MYO1D: variants seen among roughly 807,000 people sequenced by gnomAD.
The protein encoded by MYO1D is unconventional myosin-Id.
Under a neutral mutation model 122.0 loss-of-function variants are expected in MYO1D, and 83 were observed. That is an observed-to-expected ratio of 0.68 (90% CI 0.57 to 0.82). MYO1D has a LOEUF of 0.82. Ranked by LOEUF, MYO1D falls within the 40% of genes least tolerant of loss-of-function variation. MYO1D has a pLI of 0.00. For synonymous variants in MYO1D, 464 were observed against 446.9 expected, an observed-to-expected ratio of 1.04 and a Z score of -0.48; for missense variants, 1,157 against 1,269.5, an observed-to-expected ratio of 0.91 and a Z score of 1.35.
chr17:32,498,905 G>A (rs1909217403), intron 21 of MYO1D: 1 of 152,190 alleles, frequency 6.6e-6, no homozygotes, highest in Non-Finnish European at 1.5e-5. Context: ...CTGATTCTGT[G>A]TTTAAATCCT....
intron 17 of MYO1D, among the ~76,000 whole-genome samples, chr17:32,657,059 G>A (rs2088486823): frequency 6.6e-6 from 1 of 152,146 alleles, no homozygotes; most frequent in African/African-American, 2.4e-5. Flanking sequence ...CAAGCAAACT[G>A]CTGTCTATAA....
chr17:32,698,569 A>G (rs1166101849), intron 16 of MYO1D, among the ~76,000 whole-genome samples: 2 of 152,110 alleles, frequency 1.3e-5, no homozygotes, highest in Non-Finnish European at 2.9e-5. Context: ...CAAATAAAAC[A>G]TTAGGCAAAT....
rs750527575 is a variant in MYO1D at position 32,760,462 on chromosome 17, AAGTATC to A, written c.1181+14_1181+19del. 1 of 1,609,220 alleles carries A rather than the reference AAGTATC, an allele frequency of 6.2e-7. No individual in the cohort carries two copies. The highest frequency in any genetic ancestry group is 1.7e-5 in the Admixed American group (1 of 59,644). On this transcript the variant is annotated intron_variant, in intron 9 of 21. Transcript: ENST00000318217. ...AATAGAAAACAGGCAACAAGGTTTT[AAGTATC>A]TTTTCCAGTTTACCTGTTGTTGTCA...
intron 1 of MYO1D, among the ~76,000 whole-genome samples, chr17:32,807,795 G>A (rs1171862653): frequency 6.6e-6 from 1 of 151,250 alleles, no homozygotes; most frequent in East Asian, 1.9e-4. Context: ...ATGTGACTGA[G>A]AAATAAGCCT....
At chr17:32,511,866 A>C (rs938709918) in intron 21 of MYO1D, among the ~76,000 whole-genome samples, 5 of 152,190 alleles carry the variant, frequency 3.3e-5, no homozygotes, top group African/African-American at 9.6e-5. Flanking sequence ...ACCATTATCA[A>C]GAAGCATTTA....
At chr17:32,830,831 G>C (rs994700239) in intron 1 of MYO1D, among the ~76,000 whole-genome samples, 1 of 152,146 alleles carries the variant, frequency 6.6e-6, no homozygotes, top group Non-Finnish European at 1.5e-5. Context: ...AGATCGAGGC[G>C]GGCAGATCAC....
chr17:32,795,751 G>A (rs2090408941), intron 1 of MYO1D, among the ~76,000 whole-genome samples: 1 of 152,202 alleles, frequency 6.6e-6, no homozygotes, highest in Non-Finnish European at 1.5e-5. Context: ...AGGAGGAAGA[G>A]AGTCCGCCTG....
At chr17:32,557,489 C>T (rs2087078524) in intron 21 of MYO1D, among the ~76,000 whole-genome samples, 1 of 151,836 alleles carries the variant, frequency 6.6e-6, no homozygotes, top group Non-Finnish European at 1.5e-5. Context: ...CGGCAAACTT[C>T]CTTTTTTTTC....
chr17:32,694,378 G>A (rs2089143808), intron 16 of MYO1D, among the ~76,000 whole-genome samples: 1 of 152,122 alleles, frequency 6.6e-6, no homozygotes, highest in African/African-American at 2.4e-5. Flanking sequence ...CCATTATGGT[G>A]TTGGACATAC....
chr17:32,825,261 TTTTCA>T (rs1212050686), intron 1 of MYO1D, among the ~76,000 whole-genome samples: 4 of 152,102 alleles, frequency 2.6e-5, no homozygotes, highest in African/African-American at 9.7e-5. Context: ...TCAGGATGAT[TTTTCA>T]TTTCTTTTTC....
intron 21 of MYO1D, among the ~76,000 whole-genome samples, chr17:32,580,013 T>C (rs777230312): frequency 6.6e-6 from 1 of 152,146 alleles, no homozygotes; most frequent in African/African-American, 2.4e-5. Context: ...AGGAGTGGAG[T>C]GGCTGGAATA....
At chr17:32,507,503 C>A (rs930349501) in intron 21 of MYO1D, among the ~76,000 whole-genome samples, 1 of 152,190 alleles carries the variant, frequency 6.6e-6, no homozygotes, top group Non-Finnish European at 1.5e-5. Flanking sequence ...ACACACAGAA[C>A]ACATACTAGA....
intron 21 of MYO1D, among the ~76,000 whole-genome samples, chr17:32,592,150 A>G (rs915985271): frequency 1.3e-5 from 2 of 152,224 alleles, no homozygotes; most frequent in African/African-American, 4.8e-5. Context: ...CCACTCTGCT[A>G]TGTACAAAAC....
At chr17:32,873,881 C>G (rs888362774) in intron 1 of MYO1D, among the ~76,000 whole-genome samples, 6 of 152,142 alleles carry the variant, frequency 3.9e-5, no homozygotes, top group African/African-American at 1.4e-4. Flanking sequence ...AAAGGTAGAC[C>G]TAAAAACCTG....
At chr17:32,711,661 A>T (rs923153127) in intron 16 of MYO1D, among the ~76,000 whole-genome samples, 6 of 152,164 alleles carry the variant, frequency 3.9e-5, no homozygotes, top group Non-Finnish European at 8.8e-5. Context: ...GGAAAAAAAA[A>T]GTCCTTTATG....
chr17:32,866,798 G>C (rs796268212), intron 1 of MYO1D, among the ~76,000 whole-genome samples: 45 of 152,342 alleles, frequency 3.0e-4, no homozygotes, highest in African/African-American at 1.1e-3. Flanking sequence ...TGAGTGGAGA[G>C]AGAAGAAAAG....
chr17:32,830,526 T>C (rs747040459), intron 1 of MYO1D, among the ~76,000 whole-genome samples: 6 of 152,154 alleles, frequency 3.9e-5, no homozygotes, highest in Non-Finnish European at 8.8e-5. Context: ...AGAGACATTA[T>C]CTAGTGAAAT....
rs568850860 is a variant in MYO1D, at chr17:32,748,200, G to A, written c.1538+736C>T. On this transcript the variant is annotated intron_variant, in intron 12 of 21. Transcript: ENST00000318217. Reference sequence around the variant, plus strand: ...TTTATTGTATTGTTAATAAAAATACGGCTAGTAAGAGTTTTACTTTTTAAA... The same window carrying A: ...TTTATTGTATTGTTAATAAAAATACAGCTAGTAAGAGTTTTACTTTTTAAA... Among the ~76,000 whole-genome samples, 283 of 152,186 alleles carry A rather than the reference G, an allele frequency of 1.9e-3. 1 individual carries two copies. Among genetic ancestry groups the A allele is most frequent in the African/African-American group, 6.5e-3 (269 of 41,532 alleles).
At chr17:32,774,120 C>T (rs115310975) in intron 4 of MYO1D, among the ~76,000 whole-genome samples, 2,341 of 152,258 alleles carry the variant, frequency 0.015, 45 homozygotes, top group African/African-American at 0.048. Context: ...CTTACAGTTT[C>T]GTTCCATGAC....
Sources: allele counts gnomAD v4.1 joint callset (sites outside exome capture counted in the v4.1 genomes callset), GRCh38; gene constraint gnomAD v4.1.1; transcripts MANE v1.5; gene names NCBI Gene and HGNC (gene_info 2026-07-23, HGNC 2026-07-21).